The following RASL12 variants were observed in gnomAD, a reference collection of about 807,000 sequenced individuals.
The protein encoded by RASL12 is RAS like family 12.
In RASL12, 16 loss-of-function variants were observed where a neutral mutation model predicts 22.9. The observed-to-expected ratio is 0.70, with a 90% CI of 0.47 to 1.06. RASL12 has a LOEUF of 1.06. Among genes scored for constraint, RASL12 ranks in the 50% least tolerant of loss-of-function variants. RASL12 has a pLI of 0.00. For missense variants in RASL12, 306 were observed against 353.1 expected (o/e 0.87, Z 1.07); for synonymous variants, 159 against 152.2 (o/e 1.04, Z -0.33).
rs978112606 is a variant in RASL12, at chr15:65,054,649, T to C, written c.*250A>G. 1 of 1,363,968 alleles carries C rather than the reference T, an allele frequency of 7.3e-7. No homozygotes were observed. The highest frequency in any genetic ancestry group is 9.5e-7 in the Non-Finnish European group (1 of 1,058,126). 84.5% of individuals were successfully genotyped at this position (1,363,968 alleles called of 1,614,324 possible). ...AGGCTGACCCCAGGTCTCTGGGTTG[T>C]CACAGTGGCTGTTTCCCTCTACGGC... On this transcript the variant is annotated 3_prime_UTR_variant, in exon 5 of 5. Coordinates refer to ENST00000220062, the MANE Select transcript of RASL12 (RefSeq NM_016563.4).
chr15:65,066,864 C>T lies in RASL12; in HGVS notation c.103+869G>A, dbSNP rs866095669. On this transcript the variant is annotated intron_variant, in intron 1 of 4. Transcript: ENST00000220062. ...CCAGCTGAGCTTGGGTTGGCCATCA[C>T]TAACGGCTAAAACTGGAAAAACAGC... 2.6e-5 allele frequency among the ~76,000 whole-genome samples: 4 copies of T among 152,288 alleles called. No individual in the cohort carries two copies. In the South Asian group the frequency reaches 8.3e-4, roughly 32 times the overall value.
chr15:65,050,794 C>CTGCCTTCT (rs2086639232), downstream of RASL12, among the ~76,000 whole-genome samples: 1 of 150,172 alleles, frequency 6.7e-6, no homozygotes, highest in South Asian at 2.1e-4. Context: ...ACCCTTCTCC[C>CTGCCTTCT]TGCCTTCTTT....
At chr15:65,074,098 A>C (rs1357487234) in intron 1 of RASL12, among the ~76,000 whole-genome samples, 2 of 152,202 alleles carry the variant, frequency 1.3e-5, no homozygotes, top group Non-Finnish European at 2.9e-5. Flanking sequence ...ATTGAGACTC[A>C]AAAAGAGATT....
intron 2 of RASL12, among the ~76,000 whole-genome samples, 159 bp from the exon 3 acceptor site, chr15:65,059,577 C>T (rs1007686939): frequency 3.9e-5 from 6 of 152,318 alleles, no homozygotes; most frequent in African/African-American, 1.4e-4. Flanking sequence ...ATGGAGGCTA[C>T]AGGCAGAACC....
At chr15:65,052,016 G>A (rs2086660083), downstream of RASL12, among the ~76,000 whole-genome samples, 1 of 152,170 alleles carries the variant, frequency 6.6e-6, no homozygotes, top group South Asian at 2.1e-4. Context: ...CCACCGCTGG[G>A]TCCCTCCACT....
At chr15:65,069,698 CT>C (rs2086917582), upstream of RASL12, among the ~76,000 whole-genome samples, 1 of 152,186 alleles carries the variant, frequency 6.6e-6, no homozygotes, top group East Asian at 1.9e-4. Context: ...AAGGGACTGT[CT>C]TTGGTGGAAC....
chr15:65,063,043 A>T (rs931978946), intron 2 of RASL12, among the ~76,000 whole-genome samples: 2 of 152,126 alleles, frequency 1.3e-5, no homozygotes, highest in African/African-American at 4.8e-5. Flanking sequence ...GCATTCCACT[A>T]CCAGGTCAGA....
rs529415688 is a variant in RASL12 at position 65,075,629 on chromosome 15, A to G, written c.70+900T>C. Among the ~76,000 whole-genome samples the G allele has an allele frequency of 1.3e-4, 20 of 150,822 alleles. 1 individual carries two copies. The highest frequency in any genetic ancestry group is 7.2e-4 in the Admixed American group (11 of 15,188). On this transcript the variant is annotated intron_variant, in intron 1 of 4. Coordinates refer to the RASL12 transcript ENST00000434605. ...TAGCTCAGGGTTTGTGAGTGCACCA[A>G]TTGACACTCTGTATCTAGCTGCTCT...
chr15:65,059,569 G>A (rs2086777715), intron 2 of RASL12, 151 bp from the exon 3 acceptor site: 3 of 649,318 alleles, frequency 4.6e-6, no homozygotes, highest in Non-Finnish European at 8.4e-6. Context: ...TCACCCACAT[G>A]GAGGCTACAG....
At chr15:65,065,305 T>C (rs1272663247) in intron 1 of RASL12, 32 bp from the exon 2 acceptor site, 2 of 1,599,604 alleles carry the variant, frequency 1.3e-6, no homozygotes. Flanking sequence ...TGGCTCCATC[T>C]CCGCGGCCAT....
At chr15:65,062,886 G>A (rs58321051) in intron 2 of RASL12, among the ~76,000 whole-genome samples, 16 of 152,326 alleles carry the variant, frequency 1.1e-4, no homozygotes, top group African/African-American at 3.4e-4. Context: ...CAGAACCTTC[G>A]AGGAGTGGCA....
At chr15:65,057,817 C>T (rs1035610500) in intron 4 of RASL12, among the ~76,000 whole-genome samples, 2 of 152,118 alleles carry the variant, frequency 1.3e-5, no homozygotes, top group Non-Finnish European at 2.9e-5. Context: ...CAGATAGATT[C>T]ATGCAAGAAG....
Position 65,055,166 on chromosome 15 carries a change from C to T in RASL12, c.534G>A (p.Glu178=), listed in dbSNP as rs1339993597. Residue 178 remains glutamate (E), a synonymous_variant, in exon 5 of 5, where the codon GAG becomes GAA. Transcript: ENST00000220062. The stretch of plus-strand genomic sequence containing the variant: ...GCTCCCGCCGTGCCTCTCGCACTGC[C>T]TCGTGGAAGACATGCTGCACGTGCT... ...DFEHVQHVFH[E]AVREARRELE... 1 of 1,612,560 alleles carries T rather than the reference C, an allele frequency of 6.2e-7. No homozygotes were observed. Among genetic ancestry groups the T allele is most frequent in the African/African-American group, 1.3e-5 (1 of 74,940 alleles).
intron 1 of RASL12, chr15:65,076,387 G>A (rs1191765286): frequency 4.3e-6 from 2 of 466,338 alleles, no homozygotes; most frequent in South Asian, 2.9e-5. Context: ...CTTAAGAGCT[G>A]TAACACTCAC....
At position 65,054,284 on chromosome 15, in the gene RASL12, C is replaced by T; in HGVS notation, c.*615G>A. On this transcript the variant is annotated 3_prime_UTR_variant, in exon 5 of 5. Coordinates refer to ENST00000220062, the MANE Select transcript of RASL12 (RefSeq NM_016563.4). ...CCTCCCTTTTATCCTCATTGAGACG[C>T]CAAGTGTTGGAAATACCCCTTCCTG... 3.0e-6 allele frequency: 3 copies of T among 985,874 alleles called. No individual in the cohort carries two copies. Among genetic ancestry groups the T allele is most frequent in the Non-Finnish European group, 3.6e-6 (3 of 830,084 alleles). 61.1% of individuals were successfully genotyped at this position (985,874 alleles called of 1,614,324 possible).
At chr15:65,073,693 T>C (rs925492918) in intron 1 of RASL12, among the ~76,000 whole-genome samples, 1 of 152,256 alleles carries the variant, frequency 6.6e-6, no homozygotes, top group African/African-American at 2.4e-5. Flanking sequence ...TCTCTGGCTA[T>C]GTGACTAAAC....
chr15:65,051,358 G>A (rs1218521861), downstream of RASL12, among the ~76,000 whole-genome samples: 4 of 152,198 alleles, frequency 2.6e-5, no homozygotes, highest in East Asian at 1.9e-4. Context: ...TGTTAGACTG[G>A]GAGTGCCCCA....
downstream of RASL12, among the ~76,000 whole-genome samples, chr15:65,051,131 A>C (rs2086648408): frequency 6.6e-6 from 1 of 152,098 alleles, no homozygotes; most frequent in Non-Finnish European, 1.5e-5. Flanking sequence ...GGCGTGAGCC[A>C]CTGAGCCCAG....
intron 1 of RASL12, among the ~76,000 whole-genome samples, chr15:65,074,266 C>T (rs2086950025): frequency 6.6e-6 from 1 of 152,218 alleles, no homozygotes; most frequent in South Asian, 2.1e-4. Flanking sequence ...ATTCATTCTG[C>T]CCCAGCTTCT....
Sources: allele counts gnomAD v4.1 joint callset (sites outside exome capture counted in the v4.1 genomes callset), GRCh38; gene constraint gnomAD v4.1.1; transcripts MANE v1.5; gene names NCBI Gene and HGNC (gene_info 2026-07-23, HGNC 2026-07-21).